Variants in HYCC1 observed in about 807,000 individuals in gnomAD.
HYCC1 encodes the protein hyccin PI4KA lipid kinase complex subunit 1, also known as hyccin.
At chr7:23,001,144 T>C in the HYCC1 span, among the ~76,000 whole-genome samples, 1 of 152,184 alleles carries the variant, frequency 6.6e-6, no homozygotes, top group African/African-American at 2.4e-5. Context: ...CCATAGATAA[T>C]GTTGTGATAA....
chr7:22,990,549 T>C, the HYCC1 span, among the ~76,000 whole-genome samples: 1 of 152,246 alleles, frequency 6.6e-6, no homozygotes, highest in Non-Finnish European at 1.5e-5. Flanking sequence ...ATTTTAGCTA[T>C]CCTAGAGAAA....
the HYCC1 span, among the ~76,000 whole-genome samples, chr7:23,008,754 T>G: frequency 6.6e-6 from 1 of 152,032 alleles, no homozygotes; most frequent in African/African-American, 2.4e-5. Context: ...ACACACATGA[T>G]TTGGTATTTA....
the HYCC1 span, among the ~76,000 whole-genome samples, chr7:22,905,989 ACAAG>A: frequency 6.6e-6 from 1 of 152,192 alleles, no homozygotes; most frequent in Non-Finnish European, 1.5e-5. Context: ...CACCCTCTTG[ACAAG>A]TTTATAGTGT....
At chr7:22,979,783 C>T in the HYCC1 span, among the ~76,000 whole-genome samples, 7 of 152,050 alleles carry the variant, frequency 4.6e-5, no homozygotes, top group African/African-American at 1.7e-4. Flanking sequence ...ACTCAAAAGG[C>T]TTTATAACCC....
chr7:22,945,773 G>A, the HYCC1 span: 1 of 1,613,776 alleles, frequency 6.2e-7, no homozygotes, highest in African/African-American at 1.3e-5. Flanking sequence ...ATGTGGGACT[G>A]TGACACCACT....
At chr7:22,924,906 G>A in the HYCC1 span, among the ~76,000 whole-genome samples, 13 of 152,204 alleles carry the variant, frequency 8.5e-5, no homozygotes, top group African/African-American at 2.2e-4. Flanking sequence ...CCTGACTCCC[G>A]AGTAGCCTAA....
chr7:22,969,713 G>A, the HYCC1 span, among the ~76,000 whole-genome samples: 1 of 148,778 alleles, frequency 6.7e-6, no homozygotes, highest in Non-Finnish European at 1.5e-5. Flanking sequence ...TAGTAGAGGT[G>A]GGGTTTTGCC....
chr7:22,962,307 C>A, the HYCC1 span, among the ~76,000 whole-genome samples: 1 of 152,144 alleles, frequency 6.6e-6, no homozygotes. Flanking sequence ...AAAGCACATA[C>A]AAGTGGGAGC....
At chr7:22,921,870 C>T in the HYCC1 span, among the ~76,000 whole-genome samples, 3 of 152,032 alleles carry the variant, frequency 2.0e-5, no homozygotes, top group Non-Finnish European at 4.4e-5. Context: ...CCATACAGTT[C>T]AAATCCACAT....
chr7:23,013,993 C>T, the HYCC1 span: 2 of 471,128 alleles, frequency 4.2e-6, no homozygotes, highest in Non-Finnish European at 8.8e-6. Context: ...GCGACGGAGG[C>T]TGCTCTGCTT....
the HYCC1 span, among the ~76,000 whole-genome samples, chr7:22,896,020 G>C: frequency 6.6e-6 from 1 of 152,132 alleles, no homozygotes; most frequent in African/African-American, 2.4e-5. Context: ...ACAATCTTCT[G>C]ACAATTAAGA....
the HYCC1 span, chr7:22,938,117 G>C: frequency 6.6e-6 from 1 of 152,098 alleles, no homozygotes; most frequent in East Asian, 1.9e-4. Flanking sequence ...CTTTGCCCAG[G>C]AAAGATAAGA....
the HYCC1 span, among the ~76,000 whole-genome samples, chr7:22,911,494 T>A: frequency 2.0e-5 from 3 of 152,212 alleles, no homozygotes; most frequent in Admixed American, 6.5e-5. Context: ...GCGCAGTGGC[T>A]CACGCCTGTA....
the HYCC1 span, among the ~76,000 whole-genome samples, chr7:22,917,075 C>T: frequency 4.6e-5 from 7 of 152,264 alleles, 1 homozygote; most frequent in African/African-American, 9.6e-5. Flanking sequence ...TGTCAGATCC[C>T]ATCGCTCAGG....
At chr7:23,013,922 C>T in the HYCC1 span, 17 of 469,288 alleles carry the variant, frequency 3.6e-5, no homozygotes, top group African/African-American at 2.8e-4. Context: ...CGGCTGGACT[C>T]ACCAGGGCGG....
the HYCC1 span, among the ~76,000 whole-genome samples, chr7:22,986,896 T>C: frequency 1.3e-5 from 2 of 152,166 alleles, no homozygotes; most frequent in Non-Finnish European, 2.9e-5. Context: ...TGCCTCATAC[T>C]AAAGTATCAT....
the HYCC1 span, chr7:22,978,523 T>C: frequency 3.3e-6 from 4 of 1,202,232 alleles, no homozygotes; most frequent in Admixed American, 7.7e-5. Flanking sequence ...GTATAAAAGG[T>C]TTTCTCAGAT....
the HYCC1 span, among the ~76,000 whole-genome samples, chr7:22,898,521 A>G: frequency 1.3e-5 from 2 of 148,232 alleles, no homozygotes; most frequent in South Asian, 4.3e-4. Context: ...CAATTTTTGC[A>G]TTTTTTATGG....
At chr7:22,949,217 TA>T in the HYCC1 span, among the ~76,000 whole-genome samples, 2 of 152,096 alleles carry the variant, frequency 1.3e-5, no homozygotes, top group Non-Finnish European at 2.9e-5. Context: ...TCACATATAT[TA>T]TTCAATTGTA....
Sources: allele counts gnomAD v4.1 joint callset (sites outside exome capture counted in the v4.1 genomes callset), GRCh38; gene constraint gnomAD v4.1.1; transcripts MANE v1.5; gene names NCBI Gene and HGNC (gene_info 2026-07-23, HGNC 2026-07-21).